SLC2A9: variants seen among roughly 807,000 people sequenced by gnomAD.
SLC2A9 encodes the protein solute carrier family 2, facilitated glucose transporter member 9.
A neutral mutation model predicts 50.6 loss-of-function variants in SLC2A9; 39 were observed. That is an observed-to-expected ratio of 0.77 (90% confidence interval 0.60 to 1.01). The LOEUF (loss-of-function observed/expected upper bound fraction) is 1.01. SLC2A9 is among the 50% of genes least tolerant of loss of function. The probability of loss-of-function intolerance (pLI) is 0.00; values close to 1 mark genes in which losing one functional copy is unlikely to be tolerated. For synonymous variants in SLC2A9, 324 were observed against 276.9 expected, an observed-to-expected ratio of 1.17 and a Z score of -1.69; for missense variants, 686 against 677.6, an observed-to-expected ratio of 1.01 and a Z score of -0.14.
chr4:10,013,855 G>A (rs1300005878), intron 2 of SLC2A9, among the ~76,000 whole-genome samples: 1 of 152,144 alleles, frequency 6.6e-6, no homozygotes, highest in Non-Finnish European at 1.5e-5. Flanking sequence ...AGGCGAAGCT[G>A]GCTGGGCCGA....
intron 7 of SLC2A9, among the ~76,000 whole-genome samples, chr4:9,917,810 T>C (rs1743158957): frequency 6.6e-6 from 1 of 152,226 alleles, no homozygotes; most frequent in Non-Finnish European, 1.5e-5. Flanking sequence ...GTGGGGCAGA[T>C]GGTGCTACTG....
chr4:9,857,181 TC>T (rs1356633481), intron 10 of SLC2A9, among the ~76,000 whole-genome samples: 1 of 152,146 alleles, frequency 6.6e-6, no homozygotes, highest in East Asian at 1.9e-4. Flanking sequence ...GGTAAAAGGA[TC>T]CAGGGGACAT....
At chr4:9,851,032 T>C (rs1257001142) in intron 10 of SLC2A9, among the ~76,000 whole-genome samples, 1 of 151,176 alleles carries the variant, frequency 6.6e-6, no homozygotes. Context: ...TGCAGCTATA[T>C]GCAGGAACAC....
intron 2 of SLC2A9, among the ~76,000 whole-genome samples, chr4:10,010,457 G>C (rs1478562250): frequency 6.6e-6 from 1 of 152,202 alleles, no homozygotes; most frequent in Non-Finnish European, 1.5e-5. Context: ...GTTACCATAT[G>C]TTCACGGAAC....
At chr4:9,775,710 T>A (rs1717462327), downstream of SLC2A9, among the ~76,000 whole-genome samples, 1 of 152,188 alleles carries the variant, frequency 6.6e-6, no homozygotes, top group Non-Finnish European at 1.5e-5. Context: ...GTAAGCTTCC[T>A]GAGGCCTCCT....
At chr4:9,968,334 G>T (rs1185416254) in intron 5 of SLC2A9, among the ~76,000 whole-genome samples, 1 of 152,246 alleles carries the variant, frequency 6.6e-6, no homozygotes, top group East Asian at 1.9e-4. Flanking sequence ...ATTGCCTTCT[G>T]TTCTTTCACT....
chr4:9,772,121 C>T (rs536176677), intron 1 of SLC2A9, among the ~76,000 whole-genome samples: 5 of 152,160 alleles, frequency 3.3e-5, no homozygotes, highest in African/African-American at 1.2e-4. Context: ...AGGAGGATTG[C>T]CTTGGTGGTA....
upstream of SLC2A9, chr4:10,021,529 G>A (rs1763505370): frequency 6.4e-7 from 1 of 1,567,576 alleles, no homozygotes. Context: ...AGGAGGGCGG[G>A]AGTTCCTGAC....
intron 2 of SLC2A9, among the ~76,000 whole-genome samples, chr4:10,011,613 G>C (rs1440658980): frequency 1.3e-5 from 2 of 152,184 alleles, no homozygotes; most frequent in Non-Finnish European, 2.9e-5. Flanking sequence ...CATTTGATTG[G>C]TATGCAAATT....
intron 8 of SLC2A9, among the ~76,000 whole-genome samples, chr4:9,899,149 C>G (rs1408091255): frequency 2.0e-5 from 3 of 152,234 alleles, no homozygotes; most frequent in African/African-American, 7.2e-5. Context: ...CAGATGAGGG[C>G]CACCCCGCAG....
intron 3 of SLC2A9, among the ~76,000 whole-genome samples, chr4:9,802,564 T>C (rs56076005): frequency 2.0e-3 from 249 of 123,372 alleles, no homozygotes; most frequent in East Asian, 0.017. Flanking sequence ...CTTTTCTTTT[T>C]TTTTTTTTTT....
intron 3 of SLC2A9, among the ~76,000 whole-genome samples, chr4:9,791,195 A>T (rs1250994703): frequency 2.0e-5 from 3 of 152,248 alleles, no homozygotes; most frequent in Admixed American, 1.3e-4. Context: ...TGCAAAATAA[A>T]TAAGGAGTCT....
At position 9,910,597 on chromosome 4, in the gene SLC2A9, G is replaced by A. The variant is rs528245301; in HGVS notation, c.1003-2252C>T. On this transcript the variant is annotated intron_variant, in intron 7 of 11. Transcript: ENST00000264784. ...TCTGACATTTGTGTTATTCACAGCC[G>A]TGGTTCTGATCCCCATGGCCTGACC... Among the ~76,000 whole-genome samples, 12 of 152,296 alleles carry A rather than the reference G, an allele frequency of 7.9e-5. No individual in the cohort carries two copies. In the South Asian group the frequency reaches 8.3e-4, roughly 11 times the overall value.
At chr4:9,803,685 A>G (rs536530613) in intron 3 of SLC2A9, among the ~76,000 whole-genome samples, 1 of 152,282 alleles carries the variant, frequency 6.6e-6, no homozygotes, top group South Asian at 2.1e-4. Flanking sequence ...CTATCACTTG[A>G]TATTATGTGT....
intron 8 of SLC2A9, among the ~76,000 whole-genome samples, chr4:9,894,086 G>A (rs560875486): frequency 2.6e-5 from 4 of 152,158 alleles, no homozygotes; most frequent in African/African-American, 9.7e-5. Flanking sequence ...CTCACCTTCT[G>A]GGCATTGATC....
At chr4:9,858,153 A>G (rs1731020882) in intron 10 of SLC2A9, among the ~76,000 whole-genome samples, 1 of 152,218 alleles carries the variant, frequency 6.6e-6, no homozygotes, top group African/African-American at 2.4e-5. Context: ...CTGAGACACT[A>G]AATTGATCTG....
Position 9,809,265 on chromosome 4 carries a change from A to T in SLC2A9, n.421-10024T>A, listed in dbSNP as rs139157431. On this transcript the variant is annotated intron_variant and non_coding_transcript_variant, in intron 3 of 3. Coordinates refer to the SLC2A9 transcript ENST00000503280. ...GGTGGGAGCAGAGTGTGTGGATCAG[A>T]TGTCCCTGGGTATCATATCCTGTTG... Among the ~76,000 whole-genome samples the T allele has an allele frequency of 3.3e-3, 500 of 152,208 alleles. 4 individuals are homozygous for T. Among genetic ancestry groups the T allele is most frequent in the African/African-American group, 0.011 (473 of 41,520 alleles).
intron 3 of SLC2A9, among the ~76,000 whole-genome samples, chr4:9,790,284 C>T (rs1719738125): frequency 6.6e-6 from 1 of 152,202 alleles, no homozygotes; most frequent in African/African-American, 2.4e-5. Context: ...TGTAAATTCC[C>T]TCTCCATCTT....
chr4:9,857,885 A>G (rs1395338148), intron 10 of SLC2A9, among the ~76,000 whole-genome samples: 1 of 151,986 alleles, frequency 6.6e-6, no homozygotes, highest in Non-Finnish European at 1.5e-5. Context: ...TATCCCCTCC[A>G]CTGAAGCCTA....
Sources: allele counts gnomAD v4.1 joint callset (sites outside exome capture counted in the v4.1 genomes callset), GRCh38; gene constraint gnomAD v4.1.1; transcripts MANE v1.5; gene names NCBI Gene and HGNC (gene_info 2026-07-23, HGNC 2026-07-21).